SYN3: variants seen among roughly 807,000 people sequenced by gnomAD.
The protein encoded by SYN3 is synapsin-3.
A neutral mutation model predicts 65.8 loss-of-function variants in SYN3; 35 were observed. The ratio of observed to expected loss-of-function variants is 0.53; its 90% confidence interval spans 0.41 to 0.70. The LOEUF (loss-of-function observed/expected upper bound fraction) is 0.70. Among genes scored for constraint, SYN3 ranks in the 30% least tolerant of loss-of-function variants. SYN3 has a pLI of 0.00. For missense variants in SYN3, 680 were observed against 749.0 expected (o/e 0.91, Z 1.08); for synonymous variants, 270 against 292.9 (o/e 0.92, Z 0.80).
chr22:32,601,479 G>A (rs1282416006), intron 6 of SYN3, among the ~76,000 whole-genome samples: 11 of 152,146 alleles, frequency 7.2e-5, no homozygotes, highest in East Asian at 3.9e-4. Flanking sequence ...GGGTTTCACC[G>A]TGTTAGCCAG....
intron 6 of SYN3, among the ~76,000 whole-genome samples, chr22:32,648,004 G>A (rs1436455037): frequency 4.6e-5 from 7 of 152,060 alleles, no homozygotes; most frequent in Admixed American, 4.6e-4. Flanking sequence ...CTCCCAAGTA[G>A]CTGAGACTAC....
At chr22:32,833,159 C>T (rs1038133549) in intron 6 of SYN3, among the ~76,000 whole-genome samples, 6 of 152,162 alleles carry the variant, frequency 3.9e-5, no homozygotes, top group Non-Finnish European at 7.4e-5. Context: ...ACCTTGTATA[C>T]TGATCGGTGG....
intron 6 of SYN3, among the ~76,000 whole-genome samples, chr22:32,850,466 C>T (rs985969520): frequency 3.9e-5 from 6 of 152,158 alleles, no homozygotes; most frequent in African/African-American, 1.4e-4. Context: ...GCACAGAAGA[C>T]TGGGGCTTCA....
At chr22:32,725,328 C>T (rs1051881241) in intron 6 of SYN3, among the ~76,000 whole-genome samples, 6 of 151,854 alleles carry the variant, frequency 4.0e-5, no homozygotes, top group Non-Finnish European at 5.9e-5. Context: ...GCTGGAATGC[C>T]AACTGAGGCC....
At chr22:32,716,212 T>C (rs1426184288) in intron 6 of SYN3, among the ~76,000 whole-genome samples, 4 of 152,150 alleles carry the variant, frequency 2.6e-5, no homozygotes, top group Non-Finnish European at 5.9e-5. Flanking sequence ...AAGTTCCCAC[T>C]TGAGTACCTC....
At chr22:32,905,831 A>C (rs1475368345) in intron 4 of SYN3, among the ~76,000 whole-genome samples, 2 of 152,060 alleles carry the variant, frequency 1.3e-5, no homozygotes, top group Admixed American at 1.3e-4. Flanking sequence ...AGATACTGGC[A>C]CCCCCTCTAA....
intron 5 of SYN3, 24 bp from the exon 6 acceptor site, chr22:32,865,028 T>C (rs760753282): frequency 9.5e-6 from 15 of 1,579,544 alleles, no homozygotes; most frequent in Middle Eastern, 1.7e-4. Context: ...GGAGAGAACA[T>C]TGATCAACTA....
At position 33,044,457 on chromosome 22, in the gene SYN3, T is replaced by C. The variant is rs547868698; in HGVS notation, c.-163+13835A>G. On this transcript the variant is annotated intron_variant, in intron 1 of 13. Transcript: ENST00000358763. ...AATCACTTTAGACTCACAGACTCAT[T>C]GAGCACAGGAGGTCAAGTGACTCCC... Among the ~76,000 whole-genome samples the C allele has an allele frequency of 2.0e-5, 3 of 152,228 alleles. No homozygotes were observed. In the South Asian group the frequency reaches 6.2e-4, roughly 32 times the overall value.
intron 6 of SYN3, among the ~76,000 whole-genome samples, chr22:32,658,692 C>A (rs1317325094): frequency 2.0e-5 from 3 of 152,050 alleles, no homozygotes; most frequent in Non-Finnish European, 4.4e-5. Flanking sequence ...TTAGGGTGAA[C>A]ATGGGGTCGG....
At chr22:32,709,283 C>G (rs867102696) in intron 6 of SYN3, among the ~76,000 whole-genome samples, 5 of 152,210 alleles carry the variant, frequency 3.3e-5, no homozygotes, top group Non-Finnish European at 4.4e-5. Context: ...TGAGGAACAA[C>G]TTGAACGGCA....
chr22:32,994,038 G>A (rs1195964282), intron 2 of SYN3, among the ~76,000 whole-genome samples: 5 of 152,084 alleles, frequency 3.3e-5, no homozygotes, highest in South Asian at 2.1e-4. Flanking sequence ...CCTCCTCCCC[G>A]AAAGAGCTGG....
At chr22:32,600,515 A>G (rs2059266553) in intron 6 of SYN3, among the ~76,000 whole-genome samples, 1 of 152,162 alleles carries the variant, frequency 6.6e-6, no homozygotes, top group South Asian at 2.1e-4. Context: ...TGAGGCTCTG[A>G]CCAGGGTTCT....
At chr22:32,921,907 T>C (rs1303737727) in intron 4 of SYN3, among the ~76,000 whole-genome samples, 1 of 152,128 alleles carries the variant, frequency 6.6e-6, no homozygotes, top group Non-Finnish European at 1.5e-5. Context: ...GTGGCAAATC[T>C]GGGATGTCCA....
At chr22:32,969,150 G>A (rs2051937722) in intron 3 of SYN3, among the ~76,000 whole-genome samples, 2 of 152,174 alleles carry the variant, frequency 1.3e-5, no homozygotes, top group Non-Finnish European at 2.9e-5. Context: ...ACTGAGCTGG[G>A]TTTCCCAGTG....
intron 7 of SYN3, among the ~76,000 whole-genome samples, chr22:32,581,407 C>T (rs1014231309): frequency 1.3e-5 from 2 of 152,216 alleles, no homozygotes; most frequent in African/African-American, 2.4e-5. Context: ...CCGTAGCTCC[C>T]GGCCAACTGG....
At chr22:32,996,194 G>A (rs133927) in intron 2 of SYN3, among the ~76,000 whole-genome samples, 54,311 of 151,802 alleles carry the variant, frequency 0.36, 9,961 homozygotes, top group Non-Finnish European at 0.39. Context: ...CCAGCCTCCC[G>A]TCCATCTATC....
intron 6 of SYN3, among the ~76,000 whole-genome samples, chr22:32,626,615 C>T (rs551691277): frequency 6.6e-6 from 1 of 152,248 alleles, no homozygotes; most frequent in East Asian, 1.9e-4. Flanking sequence ...TGTTGACCTG[C>T]CCCAACCGGG....
intron 5 of SYN3, among the ~76,000 whole-genome samples, chr22:32,867,054 G>A (rs987240445): frequency 2.0e-5 from 3 of 152,302 alleles, no homozygotes; most frequent in South Asian, 2.1e-4. Context: ...TGGGGTTGCT[G>A]CTCGAGTAAC....
At chr22:32,747,458 T>C (rs901725654) in intron 6 of SYN3, among the ~76,000 whole-genome samples, 2 of 152,236 alleles carry the variant, frequency 1.3e-5, no homozygotes, top group African/African-American at 2.4e-5. Context: ...GGGGCTGCTA[T>C]TGATGGGACA....
Sources: gnomAD v4.1 joint callset for allele counts (sites outside exome capture counted in the v4.1 genomes callset) on GRCh38, gnomAD v4.1.1 for gene constraint, MANE v1.5 for transcripts, NCBI Gene and HGNC (gene_info 2026-07-23, HGNC 2026-07-21) for gene names.